KCNH7: variants seen among roughly 807,000 people sequenced by gnomAD.
KCNH7 encodes the protein voltage-gated inwardly rectifying potassium channel KCNH7.
A neutral mutation model predicts 120.8 loss-of-function variants in KCNH7; 49 were observed. The observed-to-expected ratio is 0.41, with a 90% CI of 0.32 to 0.51. The LOEUF (loss-of-function observed/expected upper bound fraction) is 0.51, where lower values mean the gene tolerates loss of function less well. KCNH7 is among the 20% of genes least tolerant of loss of function. The pLI is 0.38. For missense variants in KCNH7, 1,097 were observed against 1,446.6 expected (o/e 0.76, Z 3.92); for synonymous variants, 547 against 516.1 (o/e 1.06, Z -0.81).
intron 6 of KCNH7, among the ~76,000 whole-genome samples, chr2:162,486,755 T>C (rs1204468896): frequency 6.6e-6 from 1 of 152,176 alleles, no homozygotes; most frequent in Non-Finnish European, 1.5e-5. Flanking sequence ...CACCCCCATA[T>C]TAATTCCTCA....
chr2:162,743,649 T>C (rs1284396129), intron 2 of KCNH7, among the ~76,000 whole-genome samples: 1 of 152,102 alleles, frequency 6.6e-6, no homozygotes, highest in Non-Finnish European at 1.5e-5. Context: ...TGTAAATCAA[T>C]GGACATTGTT....
intron 2 of KCNH7, among the ~76,000 whole-genome samples, chr2:162,553,135 T>C (rs1256136559): frequency 1.3e-5 from 2 of 152,218 alleles, no homozygotes; most frequent in Non-Finnish European, 2.9e-5. Context: ...TATAGGAAGT[T>C]TGTGCATATA....
At chr2:162,419,968 C>A (rs1687651124) in intron 9 of KCNH7, among the ~76,000 whole-genome samples, 1 of 152,168 alleles carries the variant, frequency 6.6e-6, no homozygotes, top group African/African-American at 2.4e-5. Context: ...AAAAAAATAT[C>A]TCTTCACTCC....
intron 2 of KCNH7, among the ~76,000 whole-genome samples, chr2:162,577,812 A>G (rs1693740067): frequency 6.6e-6 from 1 of 152,070 alleles, no homozygotes; most frequent in Non-Finnish European, 1.5e-5. Flanking sequence ...GCACAGTTTT[A>G]TTTACAAGAC....
chr2:162,711,486 C>T (rs527321410), intron 2 of KCNH7, among the ~76,000 whole-genome samples: 7 of 152,294 alleles, frequency 4.6e-5, no homozygotes, highest in African/African-American at 1.2e-4. Flanking sequence ...CAACAAAAAT[C>T]GCAAGTAGTA....
chr2:162,753,108 C>G (rs1688662935), intron 2 of KCNH7, among the ~76,000 whole-genome samples: 1 of 151,168 alleles, frequency 6.6e-6, no homozygotes, highest in Non-Finnish European at 1.5e-5. Flanking sequence ...ATTTAAAAAT[C>G]AAGAGGAAAC....
chr2:162,775,612 A>T (rs1016111649), intron 2 of KCNH7, among the ~76,000 whole-genome samples: 11 of 152,192 alleles, frequency 7.2e-5, no homozygotes, highest in East Asian at 1.9e-4. Context: ...AAAGGAAAAA[A>T]ACTAATAGAT....
chr2:162,660,336 T>C (rs540591509), intron 2 of KCNH7, among the ~76,000 whole-genome samples: 1 of 152,326 alleles, frequency 6.6e-6, no homozygotes, highest in South Asian at 2.1e-4. Context: ...AATTTCCATT[T>C]AGTTCAAAGT....
intron 7 of KCNH7, among the ~76,000 whole-genome samples, chr2:162,439,292 G>GA (rs1366703408): frequency 5.9e-5 from 9 of 151,792 alleles, no homozygotes; most frequent in Admixed American, 5.9e-4. Flanking sequence ...TGTTATTCTT[G>GA]AAAGCAACTA....
intron 2 of KCNH7, among the ~76,000 whole-genome samples, chr2:162,676,632 G>A (rs115647607): frequency 0.015 from 2,305 of 151,586 alleles, 73 homozygotes; most frequent in African/African-American, 0.051. Context: ...AACTGTCAGA[G>A]TTGACATCCT....
chr2:162,692,170 G>A (rs1045687396), intron 2 of KCNH7, among the ~76,000 whole-genome samples: 16 of 150,478 alleles, frequency 1.1e-4, no homozygotes, highest in Admixed American at 8.6e-4. Flanking sequence ...AGCCCAGTCT[G>A]GAGTGCAGTG....
intron 6 of KCNH7, among the ~76,000 whole-genome samples, chr2:162,451,074 A>G (rs900823482): frequency 2.6e-5 from 4 of 152,074 alleles, no homozygotes; most frequent in East Asian, 1.9e-4. Context: ...CTTAAATTCT[A>G]CAATCTGGGT....
intron 2 of KCNH7, among the ~76,000 whole-genome samples, chr2:162,552,554 A>T (rs1692705712): frequency 6.6e-6 from 1 of 152,190 alleles, no homozygotes; most frequent in African/African-American, 2.4e-5. Flanking sequence ...GAAATGAAAG[A>T]CTTAGACTCC....
intron 2 of KCNH7, among the ~76,000 whole-genome samples, chr2:162,648,376 C>G (rs370178955): frequency 6.6e-6 from 1 of 152,082 alleles, no homozygotes; most frequent in Non-Finnish European, 1.5e-5. Context: ...AGGGGAAGTC[C>G]GCCCCCATGA....
chr2:162,391,816 T>G (rs1208210467), intron 12 of KCNH7, among the ~76,000 whole-genome samples: 1 of 152,062 alleles, frequency 6.6e-6, no homozygotes, highest in Non-Finnish European at 1.5e-5. Flanking sequence ...AACCTGTTGT[T>G]CATTTCCAGT....
At chr2:162,571,600 C>T (rs2105899607) in intron 2 of KCNH7, among the ~76,000 whole-genome samples, 1 of 149,090 alleles carries the variant, frequency 6.7e-6, no homozygotes, top group Non-Finnish European at 1.5e-5. Flanking sequence ...CAATCCTAAG[C>T]CAAAAGAACA....
intron 2 of KCNH7, among the ~76,000 whole-genome samples, chr2:162,620,242 A>C (rs1683304036): frequency 6.6e-6 from 1 of 151,008 alleles, no homozygotes; most frequent in African/African-American, 2.4e-5. Flanking sequence ...AAATCTCTTA[A>C]TATAGAGAGA....
chr2:162,694,856 G>T (rs1228838530), intron 2 of KCNH7, among the ~76,000 whole-genome samples: 1 of 151,744 alleles, frequency 6.6e-6, no homozygotes, highest in African/African-American at 2.4e-5. Flanking sequence ...CGATTCTCCT[G>T]TCTCAGCCTC....
At chr2:162,749,413 G>A (rs1559114288) in intron 2 of KCNH7, among the ~76,000 whole-genome samples, 1 of 152,076 alleles carries the variant, frequency 6.6e-6, no homozygotes, top group African/African-American at 2.4e-5. Context: ...ATACATTAGT[G>A]ATCAAAATAA....
Sources: allele counts gnomAD v4.1 joint callset (sites outside exome capture counted in the v4.1 genomes callset), GRCh38; gene constraint gnomAD v4.1.1; transcripts MANE v1.5; gene names NCBI Gene and HGNC (gene_info 2026-07-23, HGNC 2026-07-21).